Variants in THSD7B observed in about 807,000 individuals in gnomAD.
THSD7B encodes the protein thrombospondin type 1 domain containing 7B, also known as thrombospondin type-1 domain-containing protein 7B.
Under a neutral mutation model 213.6 loss-of-function variants are expected in THSD7B, and 138 were observed. That is an observed-to-expected ratio of 0.65 (90% CI 0.56 to 0.74). The LOEUF (loss-of-function observed/expected upper bound fraction) is 0.74. Among genes scored for constraint, THSD7B ranks in the 30% least tolerant of loss-of-function variants. The pLI, the probability that THSD7B is intolerant of heterozygous loss-of-function variation, is 0.00. For missense variants in THSD7B, 1,931 were observed against 1,991.5 expected, an observed-to-expected ratio of 0.97 and a Z score of 0.58; for synonymous variants, 742 against 687.0, an observed-to-expected ratio of 1.08 and a Z score of -1.25.
At chr2:137,336,803 A>AT (rs1178372949) in intron 12 of THSD7B, among the ~76,000 whole-genome samples, 1 of 152,120 alleles carries the variant, frequency 6.6e-6, no homozygotes, top group Non-Finnish European at 1.5e-5. Context: ...GCTTTCCATT[A>AT]TTTTTTAAAA....
chr2:136,793,305 T>C (rs1272044687), intron 1 of THSD7B, among the ~76,000 whole-genome samples: 1 of 152,000 alleles, frequency 6.6e-6, no homozygotes, highest in Non-Finnish European at 1.5e-5. Flanking sequence ...CTCATCTTGG[T>C]TTTAATTTGC....
intron 2 of THSD7B, among the ~76,000 whole-genome samples, chr2:136,947,552 G>C (rs1294615048): frequency 6.6e-6 from 1 of 152,092 alleles, no homozygotes; most frequent in African/African-American, 2.4e-5. Context: ...GATGATAGAC[G>C]ACCCTGACCA....
At chr2:137,319,741 T>C (rs1684221933) in intron 12 of THSD7B, among the ~76,000 whole-genome samples, 1 of 152,204 alleles carries the variant, frequency 6.6e-6, no homozygotes. Flanking sequence ...TATTCCCTAA[T>C]AACACAAACT....
rs538359508 is a variant in THSD7B at position 137,486,019 on chromosome 2, C to T, written c.3138+34996C>T. 5.4e-4 allele frequency among the ~76,000 whole-genome samples: 82 copies of T among 152,244 alleles called. 1 individual carries two copies. The highest frequency in any genetic ancestry group is 2.5e-3 in the East Asian group (13 of 5,180). Reference sequence around the variant, plus strand: ...AGCACTAAACATGGAAAGGAACAACCGGTACCAGCCGCTGCAAAATCATGC... The same window carrying T: ...AGCACTAAACATGGAAAGGAACAACTGGTACCAGCCGCTGCAAAATCATGC... On this transcript the variant is annotated intron_variant, in intron 15 of 27. Coordinates refer to ENST00000409968, the MANE Select transcript of THSD7B (RefSeq NM_001316349.2).
At chr2:137,434,219 A>G (rs1199312496) in intron 14 of THSD7B, among the ~76,000 whole-genome samples, 1 of 152,164 alleles carries the variant, frequency 6.6e-6, no homozygotes, top group Non-Finnish European at 1.5e-5. Flanking sequence ...ACATTTGTTT[A>G]TGAGGGTATC....
intron 1 of THSD7B, among the ~76,000 whole-genome samples, chr2:136,841,676 C>T (rs544259610): frequency 1.3e-5 from 2 of 151,030 alleles, no homozygotes; most frequent in Non-Finnish European, 2.9e-5. Flanking sequence ...TATTGTTCAG[C>T]GTATTATAAC....
intron 5 of THSD7B, among the ~76,000 whole-genome samples, chr2:137,144,760 C>T (rs181707927): frequency 1.2e-4 from 19 of 152,046 alleles, no homozygotes; most frequent in African/African-American, 4.6e-4. Context: ...AGAAGAACAT[C>T]ATCATTGCAG....
At position 137,620,652 on chromosome 2, in the gene THSD7B, T is replaced by C; in HGVS notation, c.3725T>C (p.Val1242Ala). The C allele has an allele frequency of 3.1e-6, 5 of 1,613,908 alleles. No individual in the cohort carries two copies. Among genetic ancestry groups the C allele is most frequent in the Non-Finnish European group, 4.2e-6 (5 of 1,179,826 alleles). The change falls in exon 20 of 28, where the codon GTG becomes GCG. Residue 1242 changes from valine (V) to alanine (A), a missense_variant. Transcript: ENST00000409968. ...KPQRMSIPCL[V>A]ECVVNCQLSG... ...CAGAGAATGAGCATTCCCTGCTTGG[T>C]GGAATGCGTGGTCAACTGTCAGCTC...
chr2:137,655,531 C>A lies in THSD7B; in HGVS notation c.3976C>A (p.Arg1326Ser). 6.2e-7 allele frequency: 1 copy of A among 1,611,980 alleles called. No homozygotes were observed. The change falls in exon 22 of 28, where the codon CGC becomes AGC. Residue 1326 changes from arginine (R) to serine (S), a missense_variant. Arg to Ser is a moderately radical substitution (Grantham distance 110). Coordinates refer to ENST00000409968, the MANE Select transcript of THSD7B (RefSeq NM_001316349.2). ...GGDCGEGVQI[R>S]SLSCMVHSGS... ...AGACTGTGGGGAAGGAGTTCAGATC[C>A]GCAGCCTTTCCTGCATGGTCCACAG...
chr2:136,929,501 C>G (rs1389502989), intron 2 of THSD7B, among the ~76,000 whole-genome samples: 1 of 152,114 alleles, frequency 6.6e-6, no homozygotes, highest in East Asian at 1.9e-4. Flanking sequence ...GTTTTAGGTT[C>G]TGTGCATTCA....
At chr2:137,547,206 A>C (rs1055142325) in intron 15 of THSD7B, among the ~76,000 whole-genome samples, 2 of 152,160 alleles carry the variant, frequency 1.3e-5, no homozygotes, top group African/African-American at 4.8e-5. Context: ...ACTTTTGCAA[A>C]GGTCAGGCTG....
chr2:137,449,240 G>A (rs1687601040), intron 14 of THSD7B, among the ~76,000 whole-genome samples: 1 of 152,060 alleles, frequency 6.6e-6, no homozygotes, highest in Non-Finnish European at 1.5e-5. Context: ...TGTGGAATAG[G>A]GGACTTATTT....
chr2:137,245,774 G>A (rs914504201), intron 10 of THSD7B, among the ~76,000 whole-genome samples: 3 of 152,050 alleles, frequency 2.0e-5, no homozygotes, highest in African/African-American at 4.8e-5. Context: ...AGAGGAGTGC[G>A]GATTAAAATC....
At chr2:137,208,422 TC>T (rs1681032033) in intron 7 of THSD7B, among the ~76,000 whole-genome samples, 1 of 120,692 alleles carries the variant, frequency 8.3e-6, no homozygotes, top group African/African-American at 3.4e-5. Flanking sequence ...CCTAAACGGG[TC>T]CTGTTAAGAA....
chr2:137,626,151 G>T (rs1415708697), intron 20 of THSD7B, among the ~76,000 whole-genome samples: 1 of 152,094 alleles, frequency 6.6e-6, no homozygotes, highest in Non-Finnish European at 1.5e-5. Flanking sequence ...GGAAGTGTTG[G>T]CTGTGAAGAT....
At chr2:137,466,207 G>A (rs1687987698) in intron 15 of THSD7B, among the ~76,000 whole-genome samples, 1 of 152,120 alleles carries the variant, frequency 6.6e-6, no homozygotes, top group African/African-American at 2.4e-5. Context: ...GGAATTCAAG[G>A]TAACGGTAAA....
intron 1 of THSD7B, among the ~76,000 whole-genome samples, chr2:136,862,267 TGCAA>T (rs1558829688): frequency 4.6e-5 from 7 of 152,144 alleles, no homozygotes; most frequent in African/African-American, 1.7e-4. Context: ...CTTTCCCACT[TGCAA>T]AGTATAGTAA....
chr2:136,830,143 CAT>C (rs749698853), intron 1 of THSD7B, among the ~76,000 whole-genome samples: 11 of 151,988 alleles, frequency 7.2e-5, no homozygotes, highest in Non-Finnish European at 1.3e-4. Context: ...CACACACACA[CAT>C]ACCTGAGTGT....
rs529385922 is a variant in THSD7B at position 137,518,015 on chromosome 2, TCATCAAATGGAAGTGGTTGGGCTTC to T, written c.3139-45182_3139-45158del. ...GTGGGTCATGCACAGCAGCATTAAA[TCATCAAATGGAAGTGGTTGGGCTTC>T]CATCAAATGGAAGTGGTTGGGCTCC... On this transcript the variant is annotated intron_variant, in intron 15 of 27. Transcript: ENST00000409968. Among the ~76,000 whole-genome samples, 235 of 152,194 alleles carry T rather than the reference TCATCAAATGGAAGTGGTTGGGCTTC, an allele frequency of 1.5e-3. 2 individuals are homozygous for T. The highest frequency in any genetic ancestry group is 4.8e-3 in the African/African-American group (199 of 41,512).
Sources: gnomAD v4.1 joint callset for allele counts (sites outside exome capture counted in the v4.1 genomes callset) on GRCh38, gnomAD v4.1.1 for gene constraint, MANE v1.5 for transcripts, NCBI Gene and HGNC (gene_info 2026-07-23, HGNC 2026-07-21) for gene names.